UNC93A: variants seen among roughly 807,000 people sequenced by gnomAD.
UNC93A encodes unc-93 homolog A.
A neutral mutation model predicts 47.5 loss-of-function variants in UNC93A; 43 were observed. The observed-to-expected ratio is 0.91, with a 90% CI of 0.71 to 1.17. The LOEUF is 1.17. Ranked by LOEUF, UNC93A falls within the 50% of genes most tolerant of loss-of-function variation. The pLI is 0.00. For missense variants in UNC93A, 605 were observed against 577.6 expected (o/e 1.05, Z -0.49); for synonymous variants, 280 against 258.0 (o/e 1.09, Z -0.82).
At chr6:167,295,751 T>C (rs1778066203) in intron 2 of UNC93A, among the ~76,000 whole-genome samples, 1 of 152,048 alleles carries the variant, frequency 6.6e-6, no homozygotes, top group South Asian at 2.1e-4. Context: ...GCCTCCCTCG[T>C]GCTCCTCACC....
chr6:167,278,203 C>T (rs930125228), intron 1 of UNC93A, among the ~76,000 whole-genome samples: 1 of 152,206 alleles, frequency 6.6e-6, no homozygotes, highest in Non-Finnish European at 1.5e-5. Flanking sequence ...CTTGTTTTCA[C>T]TGACATATAC....
At chr6:167,301,282 T>G (rs1197929778) in intron 4 of UNC93A, among the ~76,000 whole-genome samples, 1 of 152,202 alleles carries the variant, frequency 6.6e-6, no homozygotes, top group Non-Finnish European at 1.5e-5. Flanking sequence ...TCCCGCAGCC[T>G]AAGGGAGTCC....
intron 7 of UNC93A, among the ~76,000 whole-genome samples, chr6:167,314,324 C>T (rs1778632637): frequency 6.6e-6 from 1 of 152,106 alleles, no homozygotes; most frequent in African/African-American, 2.4e-5. Flanking sequence ...GTCTGGAATC[C>T]TCCTGGGGAA....
chr6:167,270,693 C>T (rs1208916602), upstream of UNC93A, among the ~76,000 whole-genome samples: 3 of 152,160 alleles, frequency 2.0e-5, no homozygotes, highest in Non-Finnish European at 4.4e-5. Flanking sequence ...CCAATGTCCT[C>T]ATGGGAGGAG....
intron 1 of UNC93A, among the ~76,000 whole-genome samples, chr6:167,274,431 G>T (rs1783504798): frequency 6.6e-6 from 1 of 152,168 alleles, no homozygotes; most frequent in Admixed American, 6.5e-5. Flanking sequence ...AGCTGGGATG[G>T]TTATTTCTTC....
At chr6:167,303,525 A>C (rs987647070) in intron 4 of UNC93A, among the ~76,000 whole-genome samples, 1 of 151,524 alleles carries the variant, frequency 6.6e-6, no homozygotes, top group African/African-American at 2.4e-5. Context: ...TGTGGGAATC[A>C]TTATCCTAAA....
chr6:167,306,053 A>G lies in UNC93A; in HGVS notation c.976+3A>G. On this transcript the variant is annotated splice_donor_region_variant and intron_variant, in intron 6 of 7. Coordinates refer to ENST00000230256, the MANE Select transcript of UNC93A (RefSeq NM_018974.4). ...CAGGGCTGTGCTGTACGTGCTGGGT[A>G]GGTATCAGCGTGGGTCCCATCCCAG... is the stretch of plus-strand genomic sequence containing the variant. 6.2e-7 allele frequency: 1 copy of G among 1,614,052 alleles called. No individual in the cohort carries two copies. Among genetic ancestry groups the G allele is most frequent in the Middle Eastern group, 1.6e-4 (1 of 6,062 alleles).
At chr6:167,286,372 C>T (rs959563940), upstream of UNC93A, among the ~76,000 whole-genome samples, 2 of 152,230 alleles carry the variant, frequency 1.3e-5, no homozygotes, top group African/African-American at 4.8e-5. Flanking sequence ...TCTCAAGGGA[C>T]CACTGAAAAG....
chr6:167,308,056 C>T lies in UNC93A; in HGVS notation c.1108+146C>T, dbSNP rs927200338. On this transcript the variant is annotated intron_variant, in intron 7 of 7. Transcript: ENST00000230256. ...GGGAGGGCCAAGAGGGCTTTGATGT[C>T]GCCTCTGAGTCTGATGTATTTTCTC... 25 of 1,158,528 alleles carry T rather than the reference C, an allele frequency of 2.2e-5. 1 individual carries two copies. The highest frequency in any genetic ancestry group is 2.0e-4 in the Admixed American group (7 of 35,338). 71.8% of individuals were successfully genotyped at this position (1,158,528 alleles called of 1,614,324 possible).
chr6:167,299,118 A>AC, intron 4 of UNC93A, among the ~76,000 whole-genome samples: 1 of 86,082 alleles, frequency 1.2e-5, no homozygotes, highest in African/African-American at 5.8e-5. Flanking sequence ...ACTCCATCTC[A>AC]AAAAAAAAAA....
rs1583086472 is a variant in UNC93A, at chr6:167,304,100, G to C, written c.807G>C (p.Leu269Phe). Residue 269 changes from leucine to phenylalanine, a missense_variant, in exon 5 of 8, where the codon TTG (leucine) becomes TTC (phenylalanine). Physicochemically the swap from Leu to Phe is conservative, Grantham distance 22. Transcript: ENST00000230256. ...LLILLPLYSG[L>F]QQGFLSSEYT... ...TTCTGCTGCCGCTGTACAGTGGATT[G>C]CAGCAAGGATTCCTCTCCAGCGAAT... The C allele has an allele frequency of 3.1e-6, 5 of 1,614,194 alleles. No individual in the cohort carries two copies. The East Asian group carries it at 1.1e-4, about 36-fold the overall frequency.
upstream of UNC93A, among the ~76,000 whole-genome samples, chr6:167,286,935 G>A (rs976497136): frequency 7.1e-5 from 10 of 141,122 alleles, no homozygotes; most frequent in South Asian, 2.2e-4. Flanking sequence ...CCAAGATCGC[G>A]CCACTGCACT....
intron 4 of UNC93A, among the ~76,000 whole-genome samples, 153 bp from the exon 5 acceptor site, chr6:167,303,766 A>G (rs757276140): frequency 2.6e-5 from 4 of 152,056 alleles, no homozygotes; most frequent in Non-Finnish European, 5.9e-5. Flanking sequence ...GACACCTGAG[A>G]TCCTTAAGCA....
chr6:167,276,169 G>C (rs575387915), intron 1 of UNC93A, among the ~76,000 whole-genome samples: 1 of 151,390 alleles, frequency 6.6e-6, no homozygotes, highest in East Asian at 1.9e-4. Context: ...CATTCATGTG[G>C]CCACAATGAC....
At chr6:167,293,981 G>A (rs768196214) in intron 1 of UNC93A, among the ~76,000 whole-genome samples, 1 of 152,222 alleles carries the variant, frequency 6.6e-6, no homozygotes, top group Non-Finnish European at 1.5e-5. Context: ...GGATACGAGG[G>A]CCACGTCCCT....
chr6:167,272,831 C>T (rs147055578), intron 1 of UNC93A, among the ~76,000 whole-genome samples: 34 of 152,282 alleles, frequency 2.2e-4, no homozygotes, highest in Non-Finnish European at 4.0e-4. Context: ...AGGTAGCAGG[C>T]TTCAGAGGGA....
At chr6:167,308,918 A>C (rs1200625323) in intron 7 of UNC93A, among the ~76,000 whole-genome samples, 1 of 152,138 alleles carries the variant, frequency 6.6e-6, no homozygotes, top group African/African-American at 2.4e-5. Context: ...GCCAAATGCC[A>C]AAGTCCTCAC....
chr6:167,281,259 C>T lies in UNC93A; in HGVS notation c.-52+9801C>T, dbSNP rs527696949. The stretch of plus-strand genomic sequence containing the variant: ...AGAGAAGCCTAAGGAGGTCATCCCA[C>T]GGAGAGGAGCCCCAGGAGGAGGATG... On this transcript the variant is annotated intron_variant, in intron 1 of 3. Coordinates refer to the UNC93A transcript ENST00000503433. Among the ~76,000 whole-genome samples the T allele has an allele frequency of 6.6e-5, 10 of 152,094 alleles. No homozygotes were observed. In the East Asian group the frequency reaches 7.7e-4, roughly 12 times the overall value.
chr6:167,298,866 C>A (rs1413549483), intron 4 of UNC93A, among the ~76,000 whole-genome samples: 1 of 151,500 alleles, frequency 6.6e-6, no homozygotes, highest in Non-Finnish European at 1.5e-5. Context: ...GTAATCTCAG[C>A]ACTTTGGGAG....
Sources: allele counts gnomAD v4.1 joint callset (sites outside exome capture counted in the v4.1 genomes callset), GRCh38; gene constraint gnomAD v4.1.1; transcripts MANE v1.5; gene names NCBI Gene and HGNC (gene_info 2026-07-23, HGNC 2026-07-21).